The following CAMKMT variants were observed in gnomAD, a reference collection of about 807,000 sequenced individuals.
CAMKMT encodes the protein CaM KMT.
Under a neutral mutation model 48.0 loss-of-function variants are expected in CAMKMT, and 53 were observed. The ratio of observed to expected loss-of-function variants is 1.10; its 90% confidence interval spans 0.89 to 1.39. The LOEUF is 1.39. Among genes scored for constraint, CAMKMT ranks in the 40% most tolerant of loss-of-function variants. CAMKMT has a pLI of 0.00. For synonymous variants in CAMKMT, 165 were observed against 152.3 expected (o/e 1.08, Z -0.61); for missense variants, 428 against 402.7 (o/e 1.06, Z -0.54).
rs187364538 is a variant in CAMKMT, at chr2:44,396,614, A to G, written c.376+6309A>G. ...AAGCAGTAATCAGTAAATTGTAGGG[A>G]ACTGGGTATTCTCATACACTGTTGG... On this transcript the variant is annotated intron_variant, in intron 3 of 10. Coordinates refer to ENST00000378494, the MANE Select transcript of CAMKMT (RefSeq NM_024766.5). Among the ~76,000 whole-genome samples, 196 of 152,218 alleles carry G rather than the reference A, an allele frequency of 1.3e-3. 1 individual carries two copies. Among genetic ancestry groups the G allele is most frequent in the African/African-American group, 4.6e-3 (191 of 41,534 alleles).
Position 44,390,299 on chromosome 2 carries a change from A to T in CAMKMT, c.370A>T (p.Asn124Tyr). The change falls in exon 3 of 11, where the codon AAT becomes TAT. Residue 124 changes from asparagine to tyrosine, a missense_variant. Transcript: ENST00000378494. ...DVLTSFDNTG[N>Y]VCIWPSEEVL... ...CCTTACCAGCTTTGACAATACAGGAAATGTTTGTAAGTTATACATTCACTC... is the reference window on the plus strand; with the variant it reads ...CCTTACCAGCTTTGACAATACAGGATATGTTTGTAAGTTATACATTCACTC... 6.2e-7 allele frequency: 1 copy of T among 1,600,542 alleles called. No homozygotes were observed. Among genetic ancestry groups the T allele is most frequent in the Non-Finnish European group, 8.5e-7 (1 of 1,170,906 alleles).
chr2:44,539,952 C>G (rs1467556553), intron 3 of CAMKMT, among the ~76,000 whole-genome samples: 2 of 152,018 alleles, frequency 1.3e-5, no homozygotes, highest in African/African-American at 4.8e-5. Context: ...CTTTTTATAA[C>G]TAATAAGCAA....
intron 3 of CAMKMT, among the ~76,000 whole-genome samples, chr2:44,675,199 A>C (rs1038767388): frequency 4.6e-5 from 7 of 152,124 alleles, no homozygotes; most frequent in Non-Finnish European, 8.8e-5. Flanking sequence ...TGGAAAAGGA[A>C]TCTGTGTTCC....
chr2:44,766,208 T>A (rs1680834993), intron 9 of CAMKMT, among the ~76,000 whole-genome samples: 1 of 152,204 alleles, frequency 6.6e-6, no homozygotes, highest in Non-Finnish European at 1.5e-5. Flanking sequence ...TTGAAAAAGA[T>A]AAAACACAGC....
At chr2:44,750,566 C>G (rs79157723) in intron 8 of CAMKMT, among the ~76,000 whole-genome samples, 2,846 of 152,286 alleles carry the variant, frequency 0.019, 48 homozygotes, top group Non-Finnish European at 0.029. Flanking sequence ...ACTGATGGCT[C>G]TAAAGCTGAA....
Position 44,754,193 on chromosome 2 carries a change from T to C in CAMKMT, c.762+75T>C, listed in dbSNP as rs1387899556. On this transcript the variant is annotated intron_variant, in intron 9 of 10. Coordinates refer to ENST00000378494, the MANE Select transcript of CAMKMT (RefSeq NM_024766.5). The stretch of plus-strand genomic sequence containing the variant: ...CTGTGCACAAAGATGGAGAGAGTAA[T>C]GGAATGGCAGGATTAATGTCATGTA... 24 of 1,147,404 alleles carry C rather than the reference T, an allele frequency of 2.1e-5. No homozygotes were observed. In the East Asian group the frequency reaches 5.6e-4, roughly 27 times the overall value. 71.1% of individuals were successfully genotyped at this position (1,147,404 alleles called of 1,614,324 possible). A position where few individuals can be genotyped will look rare whatever the true frequency, so the allele number is the denominator to read the frequency against.
intron 3 of CAMKMT, among the ~76,000 whole-genome samples, chr2:44,585,415 T>C (rs1028822902): frequency 6.6e-6 from 1 of 152,228 alleles, no homozygotes; most frequent in African/African-American, 2.4e-5. Flanking sequence ...AAGGATGTGG[T>C]GTAGGCCAGA....
chr2:44,710,502 C>T (rs2104289601), intron 6 of CAMKMT, among the ~76,000 whole-genome samples: 1 of 152,246 alleles, frequency 6.6e-6, no homozygotes, highest in East Asian at 1.9e-4. Flanking sequence ...CTGCTCTTCC[C>T]TACAGATGCC....
chr2:44,414,914 G>A (rs1247187910), intron 3 of CAMKMT, among the ~76,000 whole-genome samples: 1 of 152,220 alleles, frequency 6.6e-6, no homozygotes, highest in Non-Finnish European at 1.5e-5. Context: ...CCAGCATGCT[G>A]GGAGGCCGAG....
At chr2:44,431,440 T>C (rs1684643474) in intron 3 of CAMKMT, among the ~76,000 whole-genome samples, 1 of 152,210 alleles carries the variant, frequency 6.6e-6, no homozygotes, top group African/African-American at 2.4e-5. Context: ...CCATTTATTA[T>C]AGTGCTAACT....
intron 3 of CAMKMT, among the ~76,000 whole-genome samples, chr2:44,558,003 G>A (rs1325174465): frequency 6.6e-6 from 1 of 152,074 alleles, no homozygotes; most frequent in African/African-American, 2.4e-5. Flanking sequence ...ATGATCAACT[G>A]CAATACTATT....
At chr2:44,603,391 C>G (rs1459957114) in intron 3 of CAMKMT, among the ~76,000 whole-genome samples, 1 of 152,094 alleles carries the variant, frequency 6.6e-6, no homozygotes, top group South Asian at 2.1e-4. Flanking sequence ...AACTGGACCC[C>G]CAACCTATAT....
intron 3 of CAMKMT, among the ~76,000 whole-genome samples, chr2:44,557,483 G>A (rs1313219265): frequency 6.6e-6 from 1 of 152,190 alleles, no homozygotes; most frequent in Non-Finnish European, 1.5e-5. Flanking sequence ...GGGAATATTA[G>A]TGGAATGGTC....
At chr2:44,430,636 G>T (rs1372244175) in intron 3 of CAMKMT, among the ~76,000 whole-genome samples, 1 of 151,966 alleles carries the variant, frequency 6.6e-6, no homozygotes, top group Non-Finnish European at 1.5e-5. Flanking sequence ...GGCCCCCGAG[G>T]TGTTTTTGTT....
At chr2:44,371,697 C>A (rs181887112) in intron 1 of CAMKMT, among the ~76,000 whole-genome samples, 147 of 152,212 alleles carry the variant, frequency 9.7e-4, no homozygotes, top group Non-Finnish European at 2.6e-4. Context: ...ATTGCCCCAC[C>A]ACCATTATTT....
intron 3 of CAMKMT, among the ~76,000 whole-genome samples, chr2:44,673,265 A>G (rs1335005536): frequency 6.6e-6 from 1 of 151,882 alleles, no homozygotes; most frequent in Non-Finnish European, 1.5e-5. Flanking sequence ...ATCTCTACAA[A>G]AATTTCAAAA....
chr2:44,378,967 G>A (rs1193829100), intron 2 of CAMKMT, among the ~76,000 whole-genome samples: 1 of 152,156 alleles, frequency 6.6e-6, no homozygotes, highest in Non-Finnish European at 1.5e-5. Context: ...ATGCAATTCA[G>A]TGGTTTTAAG....
At chr2:44,690,129 C>G (rs567632274) in intron 3 of CAMKMT, among the ~76,000 whole-genome samples, 1 of 152,192 alleles carries the variant, frequency 6.6e-6, no homozygotes, top group East Asian at 1.9e-4. Context: ...TAAAATATTT[C>G]TTGGTAGAGG....
chr2:44,755,065 A>G (rs1011691434), intron 9 of CAMKMT, among the ~76,000 whole-genome samples: 2 of 152,138 alleles, frequency 1.3e-5, no homozygotes, highest in Non-Finnish European at 2.9e-5. Context: ...CCTTTCTTTT[A>G]TATCTTTTTT....
Sources: gnomAD v4.1 joint callset for allele counts (sites outside exome capture counted in the v4.1 genomes callset) on GRCh38, gnomAD v4.1.1 for gene constraint, MANE v1.5 for transcripts, NCBI Gene and HGNC (gene_info 2026-07-23, HGNC 2026-07-21) for gene names.